The following WBP1L variants were observed in gnomAD, a reference collection of about 807,000 sequenced individuals.
WBP1L encodes WW domain binding protein 1-like.
WBP1L carries 17 observed loss-of-function variants against 33.7 expected under a neutral mutation model. The observed-to-expected ratio is 0.50, with a 90% CI of 0.34 to 0.76. The LOEUF is 0.76. WBP1L is among the 30% of genes least tolerant of loss of function. WBP1L has a pLI of 0.01. For missense variants in WBP1L, 389 were observed against 469.4 expected (o/e 0.83, Z 1.58); for synonymous variants, 173 against 190.8 (o/e 0.91, Z 0.77).
intron 3 of WBP1L, 78 bp from the exon 4 acceptor site, chr10:102,812,517 A>G: frequency 1.4e-6 from 2 of 1,466,502 alleles, no homozygotes; most frequent in Non-Finnish European, 1.8e-6. Flanking sequence ...GACAATGCAA[A>G]TATTCAGTGG....
intron 1 of WBP1L, among the ~76,000 whole-genome samples, chr10:102,763,525 G>C (rs568828053): frequency 6.6e-6 from 1 of 152,268 alleles, no homozygotes; most frequent in East Asian, 1.9e-4. Context: ...AATGAGACTA[G>C]GTGCTAGCAT....
At chr10:102,810,732 A>G (rs1843826416) in intron 3 of WBP1L, among the ~76,000 whole-genome samples, 1 of 151,282 alleles carries the variant, frequency 6.6e-6, no homozygotes, top group African/African-American at 2.4e-5. Flanking sequence ...ACACCCAGCT[A>G]ATTTTTGTGT....
chr10:102,758,089 T>A (rs1224515514), intron 1 of WBP1L, among the ~76,000 whole-genome samples: 1 of 151,804 alleles, frequency 6.6e-6, no homozygotes, highest in Non-Finnish European at 1.5e-5. Flanking sequence ...TTCCCCATGT[T>A]GGCCAGACTG....
Position 102,809,962 on chromosome 10 carries a change from A to G in WBP1L, c.263A>G (p.Lys88Arg). 2 of 1,614,042 alleles carry G rather than the reference A, an allele frequency of 1.2e-6. No homozygotes were observed. The highest frequency in any genetic ancestry group is 1.7e-6 in the Non-Finnish European group (2 of 1,180,024). Residue 88 changes from lysine (K) to arginine (R), a missense_variant, in exon 3 of 4, where the codon AAG (lysine) becomes AGG (arginine). By Grantham distance (26) the Lys-to-Arg change is conservative. Transcript: ENST00000448841. ...TGTGTTTGCCACCACCGCCGAGCCA[A>G]GCACCGCCTTCAGGCCCAGCAGCGG... Reference protein sequence around the residue: ...CCCVCHHRRAKHRLQAQQRQH... With the variant: ...CCCVCHHRRARHRLQAQQRQH...
In WBP1L at chr10:102,810,037, C is replaced by T. The variant is rs78479341; in HGVS notation, c.338C>T (p.Ala113Val). ...IAYREAHNYS[A>V]LPFYFRFLPN... ...TACCGAGAAGCCCACAATTACTCAG[C>T]GCTGCCATTTTATTTCAGTACGTAC... Residue 113 changes from alanine to valine, a missense_variant, in exon 3 of 4, where the codon GCG (alanine) becomes GTG (valine). By Grantham distance (64) the Ala-to-Val change is moderately conservative. Transcript: ENST00000448841. 129 of 1,612,322 alleles carry T rather than the reference C, an allele frequency of 8.0e-5. No homozygotes were observed. In the Admixed American group the frequency reaches 1.3e-3, roughly 16 times the overall value.
At chr10:102,805,564 A>T (rs1347732238) in intron 2 of WBP1L, among the ~76,000 whole-genome samples, 1 of 152,048 alleles carries the variant, frequency 6.6e-6, no homozygotes, top group Non-Finnish European at 1.5e-5. Context: ...CGCCAAGCAG[A>T]TGCTGATTAC....
At chr10:102,809,696 A>G (rs1287945383) in intron 2 of WBP1L, among the ~76,000 whole-genome samples, 197 bp from the exon 3 acceptor site, 1 of 152,208 alleles carries the variant, frequency 6.6e-6, no homozygotes, top group East Asian at 1.9e-4. Context: ...GCCCACTTCT[A>G]TCCCATGTGT....
intron 1 of WBP1L, among the ~76,000 whole-genome samples, chr10:102,780,766 C>A (rs1187691789): frequency 6.6e-6 from 1 of 152,226 alleles, no homozygotes; most frequent in Non-Finnish European, 1.5e-5. Context: ...GCAGGTGGCC[C>A]TTCCCACAGT....
At chr10:102,757,301 C>T (rs1842987449) in intron 1 of WBP1L, among the ~76,000 whole-genome samples, 1 of 152,200 alleles carries the variant, frequency 6.6e-6, no homozygotes. Context: ...GGATTACAGG[C>T]ACAAGTCACC....
chr10:102,754,689 G>C (rs1320106020), intron 1 of WBP1L, among the ~76,000 whole-genome samples: 1 of 151,898 alleles, frequency 6.6e-6, no homozygotes, highest in Non-Finnish European at 1.5e-5. Flanking sequence ...CACCGCGGCA[G>C]GCCCCTTTTT....
intron 2 of WBP1L, among the ~76,000 whole-genome samples, chr10:102,808,967 A>G (rs537700392): frequency 1.8e-4 from 28 of 152,356 alleles, no homozygotes; most frequent in Admixed American, 1.0e-3. Context: ...CACAAAACCT[A>G]TAATACGGGG....
intron 1 of WBP1L, among the ~76,000 whole-genome samples, chr10:102,794,332 G>A (rs570516161): frequency 5.9e-5 from 9 of 152,094 alleles, no homozygotes; most frequent in Non-Finnish European, 1.3e-4. Context: ...TGAAGGAGAC[G>A]GCTGGGCGTG....
At chr10:102,789,076 C>T (rs1240993687) in intron 1 of WBP1L, among the ~76,000 whole-genome samples, 1 of 152,166 alleles carries the variant, frequency 6.6e-6, no homozygotes, top group East Asian at 1.9e-4. Context: ...TCTTGTGCCT[C>T]AGCCTCCTGA....
chr10:102,745,464 C>T (rs1842854786), intron 1 of WBP1L, among the ~76,000 whole-genome samples: 1 of 152,152 alleles, frequency 6.6e-6, no homozygotes, highest in South Asian at 2.1e-4. Flanking sequence ...TCTCTGTCTC[C>T]CTTTTCCCCC....
intron 1 of WBP1L, chr10:102,746,113 C>T: frequency 2.0e-6 from 2 of 985,060 alleles, no homozygotes; most frequent in Non-Finnish European, 2.4e-6. Flanking sequence ...ACTAGATCCA[C>T]TTTTTCAGCA....
chr10:102,743,955 A>T lies in WBP1L; in HGVS notation c.-99A>T. The stretch of plus-strand genomic sequence containing the variant: ...CGGAAGCGGGAGGGGAGCGTCAAAC[A>T]GGAAAAGAAGGGAAGAAGGAAGAAG... On this transcript the variant is annotated 5_prime_UTR_variant, in exon 1 of 4. Transcript: ENST00000448841. The T allele has an allele frequency of 1.0e-6, 1 of 968,068 alleles. No homozygotes were observed. Among genetic ancestry groups the T allele is most frequent in the Non-Finnish European group, 1.5e-6 (1 of 656,000 alleles). 60.0% of individuals were successfully genotyped at this position (968,068 alleles called of 1,614,324 possible).
intron 2 of WBP1L, among the ~76,000 whole-genome samples, chr10:102,807,071 T>C (rs1843747933): frequency 6.6e-6 from 1 of 152,184 alleles, no homozygotes; most frequent in Admixed American, 6.5e-5. Context: ...CTTTTAAAAT[T>C]TTAAACACAA....
At chr10:102,763,452 G>A (rs901448110) in intron 1 of WBP1L, among the ~76,000 whole-genome samples, 3 of 152,146 alleles carry the variant, frequency 2.0e-5, no homozygotes, top group Non-Finnish European at 4.4e-5. Flanking sequence ...CCTGGGAGGG[G>A]TCTCTGTGCA....
chr10:102,756,195 G>A (rs961845435), intron 1 of WBP1L, among the ~76,000 whole-genome samples: 34 of 152,082 alleles, frequency 2.2e-4, no homozygotes, highest in Non-Finnish European at 5.0e-4. Flanking sequence ...GGTGGATCAC[G>A]AGGTCAGGAG....
Sources: gnomAD v4.1 joint callset for allele counts (sites outside exome capture counted in the v4.1 genomes callset) on GRCh38, gnomAD v4.1.1 for gene constraint, MANE v1.5 for transcripts, NCBI Gene and HGNC (gene_info 2026-07-23, HGNC 2026-07-21) for gene names.